The following ANXA10 variants were observed in gnomAD, a reference collection of about 807,000 sequenced individuals.
ANXA10 encodes the protein annexin 14.
ANXA10 carries 49 observed loss-of-function variants against 53.5 expected under a neutral mutation model. The ratio of observed to expected loss-of-function variants is 0.92; its 90% CI spans 0.73 to 1.16. The LOEUF (loss-of-function observed/expected upper bound fraction) is 1.16, where lower values mean the gene tolerates loss of function less well. ANXA10 is among the 50% of genes most tolerant of loss of function. ANXA10 has a pLI of 0.00. For missense variants in ANXA10, 393 were observed against 394.4 expected (o/e 1.00, Z 0.03); for synonymous variants, 131 against 128.9 (o/e 1.02, Z -0.11).
At chr4:168,179,055 G>A (rs1732187936) in intron 8 of ANXA10, among the ~76,000 whole-genome samples, 162 bp from the exon 9 acceptor site, 1 of 152,122 alleles carries the variant, frequency 6.6e-6, no homozygotes, top group South Asian at 2.1e-4. Flanking sequence ...TCTACTAAGA[G>A]TATTTGTATT....
Position 168,165,261 on chromosome 4 carries a change from C to T in ANXA10, c.415C>T (p.Leu139Phe), listed in dbSNP as rs940259471. The change falls in exon 6 of 12, where the codon CTC (leucine) becomes TTC (phenylalanine). Residue 139 changes from leucine (L) to phenylalanine (F), a missense_variant. Transcript: ENST00000359299. ...TTCTTATACAGAATACAGCAATAACCTCCAAGAGGACATTTATTCAGAGAC... is the reference window on the plus strand; with the variant it reads ...TTCTTATACAGAATACAGCAATAACTTCCAAGAGGACATTTATTCAGAGAC... ...EAYCLQYSNN[L>F]QEDIYSETSG... 1.3e-6 allele frequency: 2 copies of T among 1,586,510 alleles called. No homozygotes were observed. Among genetic ancestry groups the T allele is most frequent in the Middle Eastern group, 1.8e-4 (1 of 5,678 alleles).
chr4:168,102,529 G>A (rs1433879026), intron 1 of ANXA10, among the ~76,000 whole-genome samples: 2 of 151,960 alleles, frequency 1.3e-5, no homozygotes, highest in African/African-American at 2.4e-5. Flanking sequence ...GGCTTCCTCC[G>A]CTTAGTAGAA....
intron 1 of ANXA10, among the ~76,000 whole-genome samples, chr4:168,107,057 C>T (rs1346942924): frequency 6.6e-6 from 1 of 152,110 alleles, no homozygotes; most frequent in Non-Finnish European, 1.5e-5. Flanking sequence ...CCCCACATTG[C>T]AGGTTAGTTG....
intron 1 of ANXA10, among the ~76,000 whole-genome samples, chr4:168,095,377 T>C (rs10012401): frequency 0.98 from 148,364 of 152,018 alleles, 72,414 homozygotes; most frequent in East Asian, 1. Flanking sequence ...TTTTCTACCC[T>C]TTTGACACCT....
At chr4:168,119,457 A>G (rs1346560597) in intron 1 of ANXA10, among the ~76,000 whole-genome samples, 1 of 152,150 alleles carries the variant, frequency 6.6e-6, no homozygotes, top group Admixed American at 6.5e-5. Context: ...GAATCACAGA[A>G]TTTTTAATTT....
At chr4:168,128,446 A>G (rs7699520) in intron 2 of ANXA10, among the ~76,000 whole-genome samples, 76,859 of 151,908 alleles carry the variant, frequency 0.51, 20,073 homozygotes, top group Non-Finnish European at 0.58. Context: ...TGAAATCTCC[A>G]CTAAAACACC....
chr4:168,127,934 G>T, intron 1 of ANXA10, 150 bp from the exon 2 acceptor site: 1 of 587,392 alleles, frequency 1.7e-6, no homozygotes, highest in Non-Finnish European at 3.1e-6. Context: ...ATGTTGGCCA[G>T]GTTGGTCTTC....
chr4:168,183,390 T>G (rs2149482389), intron 10 of ANXA10, among the ~76,000 whole-genome samples: 1 of 152,350 alleles, frequency 6.6e-6, no homozygotes, highest in East Asian at 1.9e-4. Flanking sequence ...TTTGAAATAG[T>G]GTATTTGGAA....
At chr4:168,138,849 G>T (rs1051827699) in intron 2 of ANXA10, among the ~76,000 whole-genome samples, 6 of 151,866 alleles carry the variant, frequency 4.0e-5, no homozygotes, top group African/African-American at 1.2e-4. Context: ...TTTATTTATT[G>T]TAACTATTAT....
chr4:168,186,079 CTTA>C (rs759393832), intron 11 of ANXA10, among the ~76,000 whole-genome samples: 1 of 152,182 alleles, frequency 6.6e-6, no homozygotes, highest in African/African-American at 2.4e-5. Flanking sequence ...TTCTTAGGCA[CTTA>C]TTATAATTAA....
chr4:168,166,094 C>T (rs188877027), intron 6 of ANXA10, among the ~76,000 whole-genome samples: 3 of 152,282 alleles, frequency 2.0e-5, no homozygotes, highest in East Asian at 3.9e-4. Context: ...CATTTAATAA[C>T]AACAAAACAC....
At chr4:168,107,668 T>C (rs1730739600) in intron 1 of ANXA10, among the ~76,000 whole-genome samples, 2 of 152,174 alleles carry the variant, frequency 1.3e-5, no homozygotes, top group African/African-American at 4.8e-5. Context: ...GATCAAAGTG[T>C]CAGCAAATTC....
intron 3 of ANXA10, among the ~76,000 whole-genome samples, chr4:168,153,580 C>A (rs749862296): frequency 1.1e-4 from 16 of 151,466 alleles, no homozygotes; most frequent in Non-Finnish European, 1.9e-4. Context: ...AGATGGGGGA[C>A]GGTAGAGAAG....
chr4:168,179,290 T>C lies in ANXA10; in HGVS notation c.702T>C (p.Phe234=). 1 of 1,611,092 alleles carries C rather than the reference T, an allele frequency of 6.2e-7. No homozygotes were observed. The highest frequency in any genetic ancestry group is 1.1e-5 in the South Asian group (1 of 90,702). The part of the protein sequence containing the change: ...DAINECYDGY[F]QELLVAIVLC... ...TTAATGAATGTTATGATGGATACTT[T>C]CAGGAGCTGCTGGTTGCAATTGGTA... Residue 234 remains phenylalanine, a synonymous_variant, in exon 9 of 12, where the codon TTT becomes TTC. Coordinates refer to ENST00000359299, the MANE Select transcript of ANXA10 (RefSeq NM_007193.5).
At chr4:168,166,678 G>A (rs1731887321) in intron 6 of ANXA10, among the ~76,000 whole-genome samples, 1 of 134,952 alleles carries the variant, frequency 7.4e-6, no homozygotes, top group Admixed American at 7.4e-5. Flanking sequence ...GTGTGTGTGT[G>A]TGTTTGAAAT....
chr4:168,138,892 C>A (rs117533623), intron 2 of ANXA10, among the ~76,000 whole-genome samples: 1 of 152,128 alleles, frequency 6.6e-6, no homozygotes, highest in East Asian at 1.9e-4. Flanking sequence ...TGGTTCTCAG[C>A]TTGATTGTTT....
intron 2 of ANXA10, among the ~76,000 whole-genome samples, chr4:168,135,554 G>A (rs1334401012): frequency 2.0e-5 from 3 of 152,160 alleles, no homozygotes; most frequent in Non-Finnish European, 2.9e-5. Context: ...TCATATTGCT[G>A]ACTCTACTAT....
At chr4:168,179,133 A>G in intron 8 of ANXA10, 84 bp from the exon 9 acceptor site, 1 of 838,022 alleles carries the variant, frequency 1.2e-6, no homozygotes. Flanking sequence ...TATGGAAAAT[A>G]TGGATTTTTA....
chr4:168,169,308 C>T (rs1035199485), intron 6 of ANXA10, among the ~76,000 whole-genome samples: 1 of 152,072 alleles, frequency 6.6e-6, no homozygotes, highest in Non-Finnish European at 1.5e-5. Context: ...ATTAAAGCAA[C>T]AGTTTCCACT....
Sources: gnomAD v4.1 joint callset for allele counts (sites outside exome capture counted in the v4.1 genomes callset) on GRCh38, gnomAD v4.1.1 for gene constraint, MANE v1.5 for transcripts, NCBI Gene and HGNC (gene_info 2026-07-23, HGNC 2026-07-21) for gene names.